The following DNM3 variants were observed in gnomAD, a reference collection of about 807,000 sequenced individuals.
DNM3 encodes dynamin 3, also known as dynamin-3.
Under a neutral mutation model 101.6 loss-of-function variants are expected in DNM3, and 47 were observed. The observed-to-expected ratio is 0.46, with a 90% CI of 0.37 to 0.59. DNM3 has a LOEUF of 0.59. Ranked by LOEUF, DNM3 falls within the 20% of genes least tolerant of loss-of-function variation. The probability of loss-of-function intolerance (pLI) is 0.00; values close to 1 mark genes in which losing one functional copy is unlikely to be tolerated. For synonymous variants in DNM3, 385 were observed against 387.9 expected, an observed-to-expected ratio of 0.99 and a Z score of 0.09; for missense variants, 849 against 1,085.7, an observed-to-expected ratio of 0.78 and a Z score of 3.06.
chr1:172,281,572 A>T (rs182534717), intron 15 of DNM3, among the ~76,000 whole-genome samples: 64 of 152,330 alleles, frequency 4.2e-4, no homozygotes, highest in African/African-American at 1.4e-3. Context: ...TTATTGATAT[A>T]TATAATTTAG....
At chr1:171,867,797 A>G (rs1354060894) in intron 1 of DNM3, among the ~76,000 whole-genome samples, 1 of 152,184 alleles carries the variant, frequency 6.6e-6, no homozygotes, top group East Asian at 1.9e-4. Context: ...TTGGTCATAT[A>G]TCACATATAT....
chr1:172,328,905 C>G (rs1029383271), intron 17 of DNM3, among the ~76,000 whole-genome samples: 2 of 152,072 alleles, frequency 1.3e-5, no homozygotes, highest in African/African-American at 4.8e-5. Flanking sequence ...GTCTTGGACT[C>G]CTGGGCTCAA....
At position 172,131,257 on chromosome 1, in the gene DNM3, C is replaced by T. The variant is rs2056922222; in HGVS notation, c.1628C>T (p.Ala543Val). 1.9e-6 allele frequency: 3 copies of T among 1,613,064 alleles called. No homozygotes were observed. The highest frequency in any genetic ancestry group is 2.5e-6 in the Non-Finnish European group (3 of 1,179,444). ...GSKGYWFVLTAESLSWYKDDE... is the reference protein window; with the variant it reads ...GSKGYWFVLTVESLSWYKDDE... ...AAGGGATACTGGTTCGTCCTTACTG[C>T]GGAAAGCTTGTCCTGGTATAAAGAT... Residue 543 changes from alanine (A) to valine (V), a missense_variant, in exon 14 of 21, where the codon GCG becomes GTG. By Grantham distance (64) the Ala-to-Val change is moderately conservative. Around this residue, in one of 5 missense-constraint regions of DNM3, gnomAD observed 193 missense variants for 238.4 expected, o/e 0.81. Transcript: ENST00000627582.
Position 172,394,813 on chromosome 1 carries a change from C to G in DNM3, c.2522+6004C>G, listed in dbSNP as rs1024175025. On this transcript the variant is annotated intron_variant, in intron 20 of 20. Coordinates refer to ENST00000627582, the MANE Select transcript of DNM3 (RefSeq NM_015569.5). Reference sequence around the variant, plus strand: ...GCAACCAGTCAGTAGCAAATTGTCACCAGTTGGAATCTGCTGAATATTCCT... The same window carrying G: ...GCAACCAGTCAGTAGCAAATTGTCAGCAGTTGGAATCTGCTGAATATTCCT... Among the ~76,000 whole-genome samples, 4 of 152,034 alleles carry G rather than the reference C, an allele frequency of 2.6e-5. No individual in the cohort carries two copies. The East Asian group carries it at 7.7e-4, about 29-fold the overall frequency.
intron 14 of DNM3, among the ~76,000 whole-genome samples, chr1:172,217,656 C>T (rs1228024583): frequency 6.6e-6 from 1 of 152,124 alleles, no homozygotes; most frequent in Admixed American, 6.6e-5. Context: ...CTGTATCTTA[C>T]AATCTACTAT....
At chr1:172,088,174 A>G (rs1447561438) in intron 12 of DNM3, among the ~76,000 whole-genome samples, 1 of 152,216 alleles carries the variant, frequency 6.6e-6, no homozygotes, top group Non-Finnish European at 1.5e-5. Flanking sequence ...TTGACTATCA[A>G]GGAGCAGGCA....
At chr1:172,222,849 G>A (rs987238655) in intron 14 of DNM3, among the ~76,000 whole-genome samples, 5 of 152,022 alleles carry the variant, frequency 3.3e-5, no homozygotes, top group East Asian at 3.9e-4. Flanking sequence ...CTCATTCACC[G>A]AAAACTTGTA....
At chr1:171,860,266 T>C (rs181089329) in intron 1 of DNM3, among the ~76,000 whole-genome samples, 2 of 152,274 alleles carry the variant, frequency 1.3e-5, no homozygotes, top group Non-Finnish European at 2.9e-5. Flanking sequence ...GTTAAGTATG[T>C]TTTGGTACAT....
chr1:172,080,883 T>C (rs908055842), intron 11 of DNM3, among the ~76,000 whole-genome samples: 1 of 151,454 alleles, frequency 6.6e-6, no homozygotes, highest in Non-Finnish European at 1.5e-5. Context: ...GGGGAGGGAG[T>C]TCCCTGACCC....
At chr1:171,853,484 T>A (rs2033219463) in intron 1 of DNM3, among the ~76,000 whole-genome samples, 2 of 152,202 alleles carry the variant, frequency 1.3e-5, no homozygotes, top group Admixed American at 6.5e-5. Context: ...ATTTATTTTT[T>A]AAAAAAGCTT....
chr1:171,929,939 A>C (rs1014545624), intron 2 of DNM3, among the ~76,000 whole-genome samples: 2 of 152,136 alleles, frequency 1.3e-5, no homozygotes, highest in African/African-American at 4.8e-5. Context: ...TAAGTCATCC[A>C]AATAGCAAAG....
chr1:172,164,789 G>A lies in DNM3; in HGVS notation c.1659+33501G>A, dbSNP rs2058688544. ...AACCATAGCCACTCCTGCTCCTGGA[G>A]GACAGAGGCAGTGTATGAGGAAGGT... On this transcript the variant is annotated intron_variant, in intron 14 of 20. Coordinates refer to ENST00000627582, the MANE Select transcript of DNM3 (RefSeq NM_015569.5). 1.3e-5 allele frequency among the ~76,000 whole-genome samples: 2 copies of A among 151,996 alleles called. 1 individual carries two copies. The highest frequency in any genetic ancestry group is 4.1e-4 in the South Asian group (2 of 4,820).
At chr1:172,234,958 A>G (rs1317365089) in intron 14 of DNM3, among the ~76,000 whole-genome samples, 1 of 152,238 alleles carries the variant, frequency 6.6e-6, no homozygotes, top group Non-Finnish European at 1.5e-5. Flanking sequence ...TTCATGACTA[A>G]AACACCAAAA....
In DNM3 at chr1:171,908,308, CT is replaced by C. The variant is rs1390255313; in HGVS notation, c.162-13436del. Among the ~76,000 whole-genome samples the C allele has an allele frequency of 2.8e-5, 4 of 141,006 alleles. 1 individual carries two copies. In the South Asian group the frequency reaches 9.0e-4, roughly 32 times the overall value. 92.5% of individuals were successfully genotyped at this position (141,006 alleles called of 152,430 possible). ...GGTGATGATTGAAAAGTCACTTATA[CT>C]TTTGAGTTATTGGCATGTAGCTATT... On this transcript the variant is annotated intron_variant, in intron 1 of 20. Transcript: ENST00000627582.
intron 13 of DNM3, among the ~76,000 whole-genome samples, chr1:172,100,517 A>G (rs2054561676): frequency 6.6e-6 from 1 of 152,214 alleles, no homozygotes; most frequent in African/African-American, 2.4e-5. Context: ...CCAACATCCT[A>G]GCCTAAGAGA....
intron 15 of DNM3, among the ~76,000 whole-genome samples, chr1:172,299,153 T>C (rs1291568360): frequency 1.3e-5 from 2 of 152,032 alleles, no homozygotes; most frequent in African/African-American, 4.8e-5. Context: ...TTCAAAAGCA[T>C]TGGAAGTAAG....
intron 4 of DNM3, among the ~76,000 whole-genome samples, chr1:172,016,378 C>G (rs1282952476): frequency 6.8e-6 from 1 of 146,922 alleles, no homozygotes; most frequent in Non-Finnish European, 1.6e-5. Flanking sequence ...TTAATAGGAT[C>G]ATGTGATTTT....
At chr1:172,123,926 C>T (rs1300315987) in intron 13 of DNM3, among the ~76,000 whole-genome samples, 2 of 152,154 alleles carry the variant, frequency 1.3e-5, no homozygotes, top group African/African-American at 4.8e-5. Flanking sequence ...TCCCCCAAAG[C>T]TAATCATGGC....
chr1:172,257,290 C>G (rs1223081214), intron 15 of DNM3, among the ~76,000 whole-genome samples: 1 of 152,018 alleles, frequency 6.6e-6, no homozygotes, highest in East Asian at 1.9e-4. Flanking sequence ...TAGATACTAT[C>G]TAGAAAGGGG....
Sources: gnomAD v4.1 joint callset for allele counts (sites outside exome capture counted in the v4.1 genomes callset) on GRCh38, gnomAD v4.1.1 for gene constraint, gnomAD v4.1.1 regional missense constraint, MANE v1.5 for transcripts, NCBI Gene and HGNC (gene_info 2026-07-23, HGNC 2026-07-21) for gene names.